Variants in NRCAM observed in about 807,000 individuals in gnomAD.
The protein encoded by NRCAM is neuronal cell adhesion molecule, also known as NgCAM-related cell adhesion molecule.
In NRCAM, 83 loss-of-function variants were observed where a neutral mutation model predicts 156.5. The ratio of observed to expected loss-of-function variants is 0.53; its 90% CI spans 0.44 to 0.64. The LOEUF (loss-of-function observed/expected upper bound fraction) is 0.64. Among genes scored for constraint, NRCAM ranks in the 30% least tolerant of loss-of-function variants. The pLI is 0.00. For missense variants in NRCAM, 1,417 were observed against 1,597.3 expected (o/e 0.89, Z 1.92); for synonymous variants, 538 against 563.9 (o/e 0.95, Z 0.65).
intron 12 of NRCAM, 74 bp downstream of exon 12, chr7:108,209,347 T>G: frequency 9.7e-7 from 1 of 1,034,032 alleles, no homozygotes; most frequent in African/African-American, 1.7e-5. Flanking sequence ...ACTAAAAATG[T>G]AATGAAAACC....
At chr7:108,358,714 ACTCCCTC>A (rs1402677074) in intron 2 of NRCAM, among the ~76,000 whole-genome samples, 3 of 151,910 alleles carry the variant, frequency 2.0e-5, no homozygotes, top group African/African-American at 4.8e-5. Context: ...ACTGTAAGTC[ACTCCCTC>A]CTGTCAAGGG....
intron 1 of NRCAM, among the ~76,000 whole-genome samples, chr7:108,407,881 A>G (rs973356565): frequency 6.6e-6 from 1 of 152,226 alleles, no homozygotes; most frequent in African/African-American, 2.4e-5. Context: ...AAGCTGTTAA[A>G]AAAGCAAAAC....
chr7:108,424,280 G>A (rs1814191892), intron 1 of NRCAM, among the ~76,000 whole-genome samples: 1 of 152,152 alleles, frequency 6.6e-6, no homozygotes, highest in Non-Finnish European at 1.5e-5. Context: ...TCAGTCCCAT[G>A]TAGTCTTCCT....
chr7:108,151,534 T>C (rs1434206588), intron 32 of NRCAM, among the ~76,000 whole-genome samples: 1 of 152,200 alleles, frequency 6.6e-6, no homozygotes, highest in Non-Finnish European at 1.5e-5. Context: ...ATCTGAAGAC[T>C]GGGAAATAAT....
At chr7:108,298,450 A>G (rs776466123) in intron 3 of NRCAM, among the ~76,000 whole-genome samples, 13 of 150,912 alleles carry the variant, frequency 8.6e-5, no homozygotes, top group Non-Finnish European at 1.8e-4. Context: ...TGGAGACCAT[A>G]TTGGCTAACA....
At chr7:108,429,066 T>C (rs1821313026) in intron 1 of NRCAM, among the ~76,000 whole-genome samples, 1 of 152,222 alleles carries the variant, frequency 6.6e-6, no homozygotes, top group South Asian at 2.1e-4. Context: ...TGGTGAAATA[T>C]ACATTATGTT....
chr7:108,390,916 G>C (rs2099757616), intron 2 of NRCAM, among the ~76,000 whole-genome samples: 1 of 152,014 alleles, frequency 6.6e-6, no homozygotes, highest in South Asian at 2.1e-4. Context: ...GTTCTAGTTT[G>C]ATTGCACTGT....
chr7:108,325,899 T>C (rs2099063747), intron 2 of NRCAM, among the ~76,000 whole-genome samples: 1 of 152,054 alleles, frequency 6.6e-6, no homozygotes, highest in South Asian at 2.1e-4. Context: ...AGAACGTATC[T>C]CTGGTAAGAT....
At chr7:108,362,203 T>G (rs962622617) in intron 2 of NRCAM, among the ~76,000 whole-genome samples, 1 of 152,204 alleles carries the variant, frequency 6.6e-6, no homozygotes, top group African/African-American at 2.4e-5. Context: ...TGGTGTCTGA[T>G]GAGGGCTGTC....
intron 1 of NRCAM, among the ~76,000 whole-genome samples, chr7:108,446,908 T>G (rs929538030): frequency 3.3e-5 from 5 of 151,658 alleles, no homozygotes; most frequent in African/African-American, 1.2e-4. Flanking sequence ...TTGCATTTTT[T>G]TAGTAGAGAT....
At chr7:108,290,510 G>T (rs1354832859) in intron 3 of NRCAM, among the ~76,000 whole-genome samples, 2 of 152,142 alleles carry the variant, frequency 1.3e-5, no homozygotes, top group Admixed American at 6.5e-5. Flanking sequence ...TTAAAAAGTT[G>T]AATCAGCAAC....
At chr7:108,269,626 G>A (rs1359929765) in intron 3 of NRCAM, among the ~76,000 whole-genome samples, 3 of 152,094 alleles carry the variant, frequency 2.0e-5, no homozygotes. Flanking sequence ...CTATCCAACT[G>A]GAGGAACACA....
intron 2 of NRCAM, among the ~76,000 whole-genome samples, chr7:108,371,807 T>C (rs1159050488): frequency 6.6e-6 from 1 of 152,146 alleles, no homozygotes; most frequent in Non-Finnish European, 1.5e-5. Context: ...CAAAGTGATC[T>C]ACAGATTCAA....
chr7:108,214,253 A>C (rs1039854949), intron 11 of NRCAM, among the ~76,000 whole-genome samples: 1 of 152,098 alleles, frequency 6.6e-6, no homozygotes, highest in African/African-American at 2.4e-5. Flanking sequence ...GTAGGCTATT[A>C]ATTACTGCCT....
chr7:108,416,351 T>C (rs548761692), intron 1 of NRCAM, among the ~76,000 whole-genome samples: 1 of 152,318 alleles, frequency 6.6e-6, no homozygotes, highest in South Asian at 2.1e-4. Flanking sequence ...AAAATTGACA[T>C]GGTTGACAAC....
intron 2 of NRCAM, among the ~76,000 whole-genome samples, chr7:108,318,411 A>C (rs768972676): frequency 1.1e-4 from 16 of 152,222 alleles, no homozygotes; most frequent in South Asian, 8.3e-4. Flanking sequence ...GCTACACAAT[A>C]ATCAACATGG....
At chr7:108,255,357 G>A (rs759154454) in intron 3 of NRCAM, among the ~76,000 whole-genome samples, 1 of 152,178 alleles carries the variant, frequency 6.6e-6, no homozygotes, top group African/African-American at 2.4e-5. Context: ...TGGTGGAGAC[G>A]GGGTTTCGCC....
intron 1 of NRCAM, among the ~76,000 whole-genome samples, chr7:108,424,188 A>G (rs1192387055): frequency 6.6e-6 from 1 of 152,238 alleles, no homozygotes; most frequent in East Asian, 1.9e-4. Context: ...CTGACTGACC[A>G]GTTAGAGCTT....
At position 108,317,122 on chromosome 7, in the gene NRCAM, C is replaced by T. The variant is rs186425150; in HGVS notation, c.-173-4391G>A. 4.9e-3 allele frequency among the ~76,000 whole-genome samples: 753 copies of T among 152,292 alleles called. 2 individuals are homozygous for T. The highest frequency in any genetic ancestry group is 8.3e-3 in the Non-Finnish European group (565 of 68,008). ...TCAGCTTGGGTGAAGAGTAGAGATC[C>T]TTCCCTCCAAATTCATGGTCTGCAT... is the stretch of plus-strand genomic sequence containing the variant. On this transcript the variant is annotated intron_variant, in intron 2 of 32. Transcript: ENST00000379028.
Sources: allele counts gnomAD v4.1 joint callset (sites outside exome capture counted in the v4.1 genomes callset), GRCh38; gene constraint gnomAD v4.1.1; transcripts MANE v1.5; gene names NCBI Gene and HGNC (gene_info 2026-07-23, HGNC 2026-07-21).